Variants in PALS1 observed in about 807,000 individuals in gnomAD.
The protein encoded by PALS1 is protein PALS1.
In PALS1, 31 loss-of-function variants were observed where a neutral mutation model predicts 78.9. The observed-to-expected ratio is 0.39, with a 90% CI of 0.30 to 0.53. PALS1 has a LOEUF of 0.53. Ranked by LOEUF, PALS1 falls within the 20% of genes least tolerant of loss-of-function variation. The pLI, the probability that PALS1 is intolerant of heterozygous loss-of-function variation, is 0.67. For synonymous variants in PALS1, 276 were observed against 270.9 expected, an observed-to-expected ratio of 1.02 and a Z score of -0.18; for missense variants, 704 against 826.5, an observed-to-expected ratio of 0.85 and a Z score of 1.82.
chr14:67,300,606 G>C (rs993545061), intron 4 of PALS1, among the ~76,000 whole-genome samples: 2 of 152,098 alleles, frequency 1.3e-5, no homozygotes, highest in African/African-American at 2.4e-5. Flanking sequence ...GGGATTACTG[G>C]TGTGAGCCAT....
At chr14:67,310,075 A>C (rs1323643881) in intron 8 of PALS1, among the ~76,000 whole-genome samples, 1 of 148,336 alleles carries the variant, frequency 6.7e-6, no homozygotes, top group Admixed American at 6.7e-5. Context: ...TTTTTTTTTT[A>C]AAGAAAACAT....
At chr14:67,243,749 C>G (rs921290791) in intron 1 of PALS1, among the ~76,000 whole-genome samples, 45 of 150,704 alleles carry the variant, frequency 3.0e-4, no homozygotes, top group Middle Eastern at 3.5e-3. Flanking sequence ...GCCCGCCTCG[C>G]CCTCCCAAAG....
intron 5 of PALS1, 55 bp from the exon 6 acceptor site, chr14:67,301,917 T>G: frequency 6.5e-7 from 1 of 1,535,908 alleles, no homozygotes; most frequent in Admixed American, 2.2e-5. Context: ...TAAAAATCAC[T>G]CTGCAGAAAT....
chr14:67,284,453 C>A (rs2084648749), intron 3 of PALS1, among the ~76,000 whole-genome samples: 1 of 96,710 alleles, frequency 1.0e-5, no homozygotes, highest in African/African-American at 7.0e-5. Flanking sequence ...AACAGCTGGG[C>A]ATGGTGGTAT....
chr14:67,320,201 T>C (rs764868969), intron 11 of PALS1, 29 bp from the exon 12 acceptor site: 3 of 1,595,500 alleles, frequency 1.9e-6, no homozygotes, highest in Non-Finnish European at 1.7e-6. Flanking sequence ...ATAATTTTGT[T>C]TGAAGAGCTT....
At chr14:67,321,502 C>T (rs1192047996) in intron 13 of PALS1, among the ~76,000 whole-genome samples, 21 of 152,034 alleles carry the variant, frequency 1.4e-4, no homozygotes, top group Admixed American at 1.4e-3. Flanking sequence ...TGCTTGAGAC[C>T]AGAGTGTTTT....
chr14:67,313,352 A>G (rs2085121723), intron 9 of PALS1, among the ~76,000 whole-genome samples: 1 of 152,236 alleles, frequency 6.6e-6, no homozygotes, highest in African/African-American at 2.4e-5. Context: ...TTGTGCAAAC[A>G]TCACTGAGTG....
chr14:67,331,643 A>T (rs1194373320), intron 14 of PALS1, among the ~76,000 whole-genome samples: 8 of 152,200 alleles, frequency 5.3e-5, no homozygotes, highest in African/African-American at 1.9e-4. Context: ...AACTTCAGAC[A>T]TGAAGTACTA....
rs528309814 is a variant in PALS1, at chr14:67,277,593, CTT to C, written c.-153-1424_-153-1423del. ...GTTTATTACTGTAAATATTATTGCTCTTGAGTGAAAAAAAAAAGGCTAATTAG... is the reference window on the plus strand; with the variant it reads ...GTTTATTACTGTAAATATTATTGCTCGAGTGAAAAAAAAAAGGCTAATTAG... On this transcript the variant is annotated intron_variant, in intron 2 of 14. Coordinates refer to ENST00000261681, the MANE Select transcript of PALS1 (RefSeq NM_022474.4). 9.2e-4 allele frequency among the ~76,000 whole-genome samples: 139 copies of C among 150,762 alleles called. 3 individuals are homozygous for C. In the South Asian group the frequency reaches 0.029, roughly 31 times the overall value.
chr14:67,317,863 G>T (rs904403573), intron 11 of PALS1, among the ~76,000 whole-genome samples: 4 of 152,176 alleles, frequency 2.6e-5, no homozygotes, highest in Non-Finnish European at 5.9e-5. Context: ...ACACACAAGA[G>T]AATTTTAGTT....
rs1379640711 is a variant in PALS1 at position 67,274,899 on chromosome 14, T to G, written c.-153-4119T>G. On this transcript the variant is annotated intron_variant, in intron 2 of 14. Coordinates refer to ENST00000261681, the MANE Select transcript of PALS1 (RefSeq NM_022474.4). Reference sequence around the variant, plus strand: ...CTTTGTAGCAATTGTGAATGGGAGTTCACTCATGATTTGGCTCTCTATTTG... The same window carrying G: ...CTTTGTAGCAATTGTGAATGGGAGTGCACTCATGATTTGGCTCTCTATTTG... Among the ~76,000 whole-genome samples the G allele has an allele frequency of 5.9e-5, 9 of 152,188 alleles. No homozygotes were observed. The South Asian group carries it at 1.5e-3, about 25-fold the overall frequency.
intron 7 of PALS1, 41 bp from the exon 8 acceptor site, chr14:67,303,481 T>C (rs1310327483): frequency 6.8e-7 from 1 of 1,474,048 alleles, no homozygotes; most frequent in Admixed American, 1.7e-5. Flanking sequence ...ATGATTTTCA[T>C]AAATGCAAAT....
intron 1 of PALS1, among the ~76,000 whole-genome samples, chr14:67,242,871 A>G: frequency 6.6e-6 from 1 of 152,236 alleles, no homozygotes. Flanking sequence ...ATTAACATTA[A>G]TTTGTTTTAG....
rs545703514 is a variant in PALS1, at chr14:67,325,934, G to A, written c.1851+2122G>A. 2.9e-4 allele frequency among the ~76,000 whole-genome samples: 43 copies of A among 149,830 alleles called. No individual in the cohort carries two copies. The East Asian group carries it at 3.5e-3, about 12-fold the overall frequency. On this transcript the variant is annotated intron_variant, in intron 14 of 14. Coordinates refer to ENST00000261681, the MANE Select transcript of PALS1 (RefSeq NM_022474.4). ...AGCTATTCTTCTGCCTCAGCCTCCC[G>A]AGTAGCTGGGATTACAGGCACCTGC...
intron 1 of PALS1, among the ~76,000 whole-genome samples, chr14:67,242,292 G>A (rs1187319418): frequency 1.3e-5 from 2 of 152,190 alleles, no homozygotes; most frequent in Non-Finnish European, 2.9e-5. Flanking sequence ...ATTAAAATCT[G>A]ATGGCTAGGA....
intron 1 of PALS1, among the ~76,000 whole-genome samples, chr14:67,245,991 ATTTG>A: frequency 6.6e-6 from 1 of 152,138 alleles, no homozygotes; most frequent in South Asian, 2.1e-4. Context: ...TTCCATGACC[ATTTG>A]TTTAAAACAT....
At chr14:67,301,315 A>C (rs2084929913) in intron 4 of PALS1, 74 bp from the exon 5 acceptor site, 1 of 768,090 alleles carries the variant, frequency 1.3e-6, no homozygotes, top group Non-Finnish European at 2.0e-6. Flanking sequence ...TACTTAAAAA[A>C]TATGACCCTG....
intron 11 of PALS1, 32 bp downstream of exon 11, chr14:67,317,511 A>G: frequency 1.3e-6 from 2 of 1,502,398 alleles, no homozygotes; most frequent in Non-Finnish European, 1.8e-6. Flanking sequence ...AGGTGGAATT[A>G]TATCTGAAAG....
At position 67,279,294 on chromosome 14, in the gene PALS1, G is replaced by C; in HGVS notation, c.124G>C (p.Asp42His). Reference sequence around the variant, plus strand: ...AGAGATGGCTGTTGACTGCCCTGGAGATTTGGGCACCAGGATGATGCCAAT... The same window carrying C: ...AGAGATGGCTGTTGACTGCCCTGGACATTTGGGCACCAGGATGATGCCAAT... ...HREMAVDCPG[D>H]LGTRMMPIRR... is the part of the protein sequence containing the mutation. Residue 42 changes from aspartate to histidine, a missense_variant, in exon 3 of 15, where the codon GAT becomes CAT. Asp to His is a moderately conservative substitution (Grantham distance 81, BLOSUM62 -1). Coordinates refer to ENST00000261681, the MANE Select transcript of PALS1 (RefSeq NM_022474.4). 6.2e-7 allele frequency: 1 copy of C among 1,613,948 alleles called. No individual in the cohort carries two copies. The highest frequency in any genetic ancestry group is 8.5e-7 in the Non-Finnish European group (1 of 1,179,984).
Sources: gnomAD v4.1 joint callset for allele counts (sites outside exome capture counted in the v4.1 genomes callset) on GRCh38, gnomAD v4.1.1 for gene constraint, MANE v1.5 for transcripts, NCBI Gene and HGNC (gene_info 2026-07-23, HGNC 2026-07-21) for gene names.